Variants in CASZ1 observed in about 807,000 individuals in gnomAD.
The protein encoded by CASZ1 is castor zinc finger 1.
A neutral mutation model predicts 135.2 loss-of-function variants in CASZ1; 28 were observed. The observed-to-expected ratio is 0.21, with a 90% confidence interval of 0.15 to 0.28. The LOEUF (loss-of-function observed/expected upper bound fraction) is 0.28. CASZ1 is among the 10% of genes least tolerant of loss of function. The pLI is 1.00. For missense variants in CASZ1, 2,161 were observed against 2,453.3 expected (o/e 0.88, Z 2.52); for synonymous variants, 1,068 against 1,073.4 (o/e 0.99, Z 0.10).
At position 10,647,571 on chromosome 1, in the gene CASZ1, C is replaced by T. The variant is rs1175726467; in HGVS notation, c.3497+230G>A. The T allele has an allele frequency of 1.4e-6, 2 of 1,411,858 alleles. No individual in the cohort carries two copies. Among genetic ancestry groups the T allele is most frequent in the Non-Finnish European group, 1.8e-6 (2 of 1,084,718 alleles). The allele number at this position is 1,411,858 out of a possible 1,614,324, so 87.5% of individuals were successfully genotyped here. On this transcript the variant is annotated intron_variant, in intron 16 of 20. Coordinates refer to ENST00000377022, the MANE Select transcript of CASZ1 (RefSeq NM_001079843.3). This position sits in a 1 kb window ranked among gnomAD's most constrained non-coding sequence, Gnocchi z 4.9. ...ACCACATGCCCTGCAGGAGCAGTAG[C>T]CACTGCCGCCACCATCGGCCCACGC... is the stretch of plus-strand genomic sequence containing the variant.
chr1:10,763,034 T>C (rs1243354339), intron 1 of CASZ1, among the ~76,000 whole-genome samples: 1 of 152,184 alleles, frequency 6.6e-6, no homozygotes, highest in Non-Finnish European at 1.5e-5. Flanking sequence ...CCCCACGGTC[T>C]TCCCCATTCC....
intron 4 of CASZ1, among the ~76,000 whole-genome samples, chr1:10,671,217 C>T (rs1643387111): frequency 6.6e-6 from 1 of 152,198 alleles, no homozygotes; most frequent in Non-Finnish European, 1.5e-5. Context: ...ATCAATCTCC[C>T]CCAGGTCACA....
chr1:10,643,072 T>A (rs1430691276), intron 19 of CASZ1, 72 bp from the exon 20 acceptor site: 28 of 1,593,852 alleles, frequency 1.8e-5, no homozygotes, highest in Non-Finnish European at 1.8e-5. Flanking sequence ...AGGCTGAGGC[T>A]CCATGCAGCA....
Position 10,755,395 on chromosome 1 carries a change from G to T in CASZ1, c.-77+5306C>A, listed in dbSNP as rs997256915. Among the ~76,000 whole-genome samples, 2 of 152,202 alleles carry T rather than the reference G, an allele frequency of 1.3e-5. No individual in the cohort carries two copies. Among genetic ancestry groups the T allele is most frequent in the South Asian group, 4.1e-4 (2 of 4,832 alleles). On this transcript the variant is annotated intron_variant, in intron 2 of 20. Transcript: ENST00000377022. The surrounding 1 kb of genome is among the most constrained non-coding windows in gnomAD (Gnocchi z 4.3). The stretch of plus-strand genomic sequence containing the variant: ...ACCTGACGTCGCCTCTCCAATGCCA[G>T]CCTCTCTCACTGTGGGCACTCAGGG...
At chr1:10,652,035 C>G (rs964049031) in intron 11 of CASZ1, 2 of 152,274 alleles carry the variant, frequency 1.3e-5, no homozygotes, top group Non-Finnish European at 2.9e-5. Context: ...TCCCTCCACG[C>G]GGCCACCGGG....
Position 10,739,361 on chromosome 1 carries a change from C to T in CASZ1, c.-77+21340G>A, listed in dbSNP as rs1639869360. ...ACCGCGAGGGAAACCCTCCCAGGGG[C>T]CCGGGCCCAGGGTGGCCACGGTGAG... On this transcript the variant is annotated intron_variant, in intron 2 of 20. Transcript: ENST00000377022. The surrounding 1 kb of genome is among the most constrained non-coding windows in gnomAD (Gnocchi z 4.8). Among the ~76,000 whole-genome samples the T allele has an allele frequency of 6.6e-6, 1 of 152,130 alleles. No individual in the cohort carries two copies. Among genetic ancestry groups the T allele is most frequent in the Non-Finnish European group, 1.5e-5 (1 of 68,008 alleles).
rs1327757275 is a variant in CASZ1 at position 10,747,704 on chromosome 1, T to A, written c.-77+12997A>T. Among the ~76,000 whole-genome samples the A allele has an allele frequency of 1.3e-5, 2 of 152,114 alleles. No homozygotes were observed. Among genetic ancestry groups the A allele is most frequent in the African/African-American group, 4.8e-5 (2 of 41,402 alleles). On this transcript the variant is annotated intron_variant, in intron 2 of 20. Transcript: ENST00000377022. The surrounding 1 kb of genome is among the most constrained non-coding windows in gnomAD (Gnocchi z 4.3). Reference sequence around the variant, plus strand: ...ACTGAAGACCCCCACTCTGCTCTCTTGTGGGTCACTGCAGCTGCCTGGAAT... The same window carrying A: ...ACTGAAGACCCCCACTCTGCTCTCTAGTGGGTCACTGCAGCTGCCTGGAAT...
intron 2 of CASZ1, among the ~76,000 whole-genome samples, chr1:10,716,099 A>C (rs1432675772): frequency 7.0e-5 from 4 of 57,006 alleles, no homozygotes; most frequent in East Asian, 4.7e-4. Context: ...CCCAATCCAC[A>C]CCCACAGCAC....
At chr1:10,790,216 A>G (rs1265148701) in intron 1 of CASZ1, among the ~76,000 whole-genome samples, 1 of 152,248 alleles carries the variant, frequency 6.6e-6, no homozygotes, top group Non-Finnish European at 1.5e-5. Flanking sequence ...TGGACAGAGA[A>G]GAAACCAACA....
rs1287151990 is a variant in CASZ1 at position 10,649,108 on chromosome 1, C to T, written c.3120G>A (p.Ala1040=). 11 of 1,613,486 alleles carry T rather than the reference C, an allele frequency of 6.8e-6. No homozygotes were observed. The highest frequency in any genetic ancestry group is 2.2e-5 in the South Asian group (2 of 91,082). The change falls in exon 15 of 21, where the codon GCG becomes GCA. Residue 1040 remains alanine, a synonymous_variant. Coordinates refer to ENST00000377022, the MANE Select transcript of CASZ1 (RefSeq NM_001079843.3). ...TGGCCCCGTCCAAGGTGCTGAAGAG[C>T]GCGCCGCATTCCTCCACCACGCAGT... The part of the protein sequence containing the change: ...HFHCVVEECG[A]LFSTLDGAIK...
chr1:10,667,012 A>C (rs1239882290), intron 4 of CASZ1, among the ~76,000 whole-genome samples: 1 of 152,200 alleles, frequency 6.6e-6, no homozygotes. Flanking sequence ...GAGTCTCCAC[A>C]TAGGCGGGAA....
intron 2 of CASZ1, among the ~76,000 whole-genome samples, chr1:10,744,650 T>C (rs1410061650): frequency 5.9e-5 from 4 of 68,264 alleles, no homozygotes; most frequent in Admixed American, 3.0e-4. Flanking sequence ...CGAGCAGGCA[T>C]GTCCTGGGCA....
rs1639034167 is a variant in CASZ1, at chr1:10,700,229, C to A, written c.-24+5263G>T. Among the ~76,000 whole-genome samples the A allele has an allele frequency of 6.6e-6, 1 of 152,206 alleles. No individual in the cohort carries two copies. The highest frequency in any genetic ancestry group is 2.1e-4 in the South Asian group (1 of 4,824). ...GGAATGTTGGGTTGGCATTTTGTCT[C>A]AGTTACAATGATCAGCTGCAGAAGA... is the stretch of plus-strand genomic sequence containing the variant. On this transcript the variant is annotated intron_variant, in intron 3 of 20. Coordinates refer to ENST00000377022, the MANE Select transcript of CASZ1 (RefSeq NM_001079843.3). The surrounding 1 kb of genome is among the most constrained non-coding windows in gnomAD (Gnocchi z 4.2).
chr1:10,767,123 A>T lies in CASZ1; in HGVS notation c.-233-6266T>A, dbSNP rs1640491069. Among the ~76,000 whole-genome samples the T allele has an allele frequency of 6.6e-6, 1 of 152,190 alleles. No homozygotes were observed. Among genetic ancestry groups the T allele is most frequent in the Non-Finnish European group, 1.5e-5 (1 of 68,032 alleles). ...GGAAGGAACGAGGAGTGGGGAAAAG[A>T]TGGGGCCCGGTCGTCCGCATTCCTC... On this transcript the variant is annotated intron_variant, in intron 1 of 20. Transcript: ENST00000377022. The surrounding 1 kb of genome is among the most constrained non-coding windows in gnomAD (Gnocchi z 4.2).
At chr1:10,651,442 G>A (rs563025484) in intron 11 of CASZ1, 161 of 166,254 alleles carry the variant, frequency 9.7e-4, no homozygotes, top group Non-Finnish European at 1.8e-3. Flanking sequence ...CTGAGGGAAA[G>A]TGGCAGATCT....
Position 10,684,206 on chromosome 1 carries a change from G to A in CASZ1, c.16+9668C>T, listed in dbSNP as rs1281999216. Among the ~76,000 whole-genome samples, 5 of 152,016 alleles carry A rather than the reference G, an allele frequency of 3.3e-5. No homozygotes were observed. In the South Asian group the frequency reaches 8.3e-4, roughly 25 times the overall value. The stretch of plus-strand genomic sequence containing the variant: ...GGGAGTGAGGGGCTTGGGGGTGGGG[G>A]TTCCCTTGTCCGCATCCTCTCCAGA... On this transcript the variant is annotated intron_variant, in intron 4 of 20. Coordinates refer to ENST00000377022, the MANE Select transcript of CASZ1 (RefSeq NM_001079843.3).
chr1:10,766,500 C>T (rs897080220), intron 1 of CASZ1, among the ~76,000 whole-genome samples: 3 of 152,216 alleles, frequency 2.0e-5, no homozygotes, highest in Admixed American at 2.0e-4. Flanking sequence ...CCCCTAGAGC[C>T]ACCAGACAGG....
Position 10,699,317 on chromosome 1 carries a change from T to C in CASZ1, c.-23-5405A>G, listed in dbSNP as rs1312759692. On this transcript the variant is annotated intron_variant, in intron 3 of 20. Coordinates refer to ENST00000377022, the MANE Select transcript of CASZ1 (RefSeq NM_001079843.3). The surrounding 1 kb of genome is among the most constrained non-coding windows in gnomAD (Gnocchi z 4.6). Reference sequence around the variant, plus strand: ...GGATCACACTTTCCCCCCATTTCCTTTTAGGGAAGTGCTGGCCACAACCCC... The same window carrying C: ...GGATCACACTTTCCCCCCATTTCCTCTTAGGGAAGTGCTGGCCACAACCCC... Among the ~76,000 whole-genome samples, 1 of 152,132 alleles carries C rather than the reference T, an allele frequency of 6.6e-6. No homozygotes were observed. The highest frequency in any genetic ancestry group is 1.5e-5 in the Non-Finnish European group (1 of 68,024).
At chr1:10,650,901 T>C (rs1377266423) in intron 12 of CASZ1, 40 bp downstream of exon 12, 1 of 1,606,888 alleles carries the variant, frequency 6.2e-7, no homozygotes, top group Non-Finnish European at 8.5e-7. Context: ...CTCGAAGGTG[T>C]GGTTCCCGGG....
Sources: gnomAD v4.1 joint callset for allele counts (sites outside exome capture counted in the v4.1 genomes callset) on GRCh38, gnomAD v4.1.1 for gene constraint, Gnocchi (gnomAD v3.1) non-coding constraint, MANE v1.5 for transcripts, NCBI Gene and HGNC (gene_info 2026-07-23, HGNC 2026-07-21) for gene names.